CCNC: variants seen among roughly 807,000 people sequenced by gnomAD.
CCNC encodes cyclin C.
Under a neutral mutation model 50.0 loss-of-function variants are expected in CCNC, and 19 were observed. That is an observed-to-expected ratio of 0.38 (90% CI 0.27 to 0.56). The LOEUF (loss-of-function observed/expected upper bound fraction) is 0.56. Among genes scored for constraint, CCNC ranks in the 20% least tolerant of loss-of-function variants. The pLI is 0.72. For synonymous variants in CCNC, 93 were observed against 103.7 expected (o/e 0.90, Z 0.63); for missense variants, 200 against 327.1 (o/e 0.61, Z 3.00).
At position 99,566,981 on chromosome 6, in the gene CCNC, G is replaced by GA. The variant is rs748405711; in HGVS notation, c.32+1514dup. ...CACACTCGTTACCTTTTCCAGATAA[G>GA]AAACTCCATGACTGCTCAAGGGATT... On this transcript the variant is annotated intron_variant, in intron 1 of 11. Transcript: ENST00000520429. 40 of 454,206 alleles carry GA rather than the reference G, an allele frequency of 8.8e-5. 2 individuals are homozygous for GA. Among genetic ancestry groups the GA allele is most frequent in the South Asian group, 6.2e-4 (40 of 64,294 alleles). 28.1% of individuals were successfully genotyped at this position (454,206 alleles called of 1,614,324 possible).
chr6:99,548,644 G>T (rs1349610589), intron 9 of CCNC, among the ~76,000 whole-genome samples: 1 of 151,950 alleles, frequency 6.6e-6, no homozygotes, highest in African/African-American at 2.4e-5. Context: ...GCGAAACCCT[G>T]TCTCTACTAA....
intron 4 of CCNC, among the ~76,000 whole-genome samples, chr6:99,559,707 C>T (rs1208693606): frequency 6.8e-6 from 1 of 148,090 alleles, no homozygotes; most frequent in African/African-American, 2.5e-5. Context: ...CATTCTCTTT[C>T]TCAGGAATAA....
intron 11 of CCNC, chr6:99,543,846 G>A (rs1801966650): frequency 7.4e-7 from 1 of 1,357,084 alleles, no homozygotes; most frequent in Non-Finnish European, 9.5e-7. Flanking sequence ...CTGGAAGTTA[G>A]TGTCCATATA....
rs371337674 is a variant in CCNC at position 99,546,378 on chromosome 6, T to A, written c.678+17A>T. ...TAATTTTTAAACATCCAAGTTTACATACAACTAAGGGAATACCTTTTCCAT... is the reference window on the plus strand; with the variant it reads ...TAATTTTTAAACATCCAAGTTTACAAACAACTAAGGGAATACCTTTTCCAT... On this transcript the variant is annotated intron_variant, in intron 10 of 11. Transcript: ENST00000520429. The A allele has an allele frequency of 1.2e-4, 188 of 1,558,416 alleles. No homozygotes were observed. Among genetic ancestry groups the A allele is most frequent in the Non-Finnish European group, 1.5e-4 (171 of 1,130,574 alleles).
At chr6:99,558,803 A>C (rs1463759549) in intron 4 of CCNC, among the ~76,000 whole-genome samples, 1 of 152,174 alleles carries the variant, frequency 6.6e-6, no homozygotes, top group African/African-American at 2.4e-5. Context: ...CTGAAATGCA[A>C]AATGTTCCAA....
At chr6:99,568,791 C>G (rs76737027), upstream of CCNC, 48 of 1,095,056 alleles carry the variant, frequency 4.4e-5, no homozygotes, top group Non-Finnish European at 5.6e-5. Flanking sequence ...GGTGCTGACC[C>G]TTGGAGGTGC....
At chr6:99,547,004 T>G (rs537846308) in intron 9 of CCNC, among the ~76,000 whole-genome samples, 1 of 152,316 alleles carries the variant, frequency 6.6e-6, no homozygotes, top group Admixed American at 6.5e-5. Flanking sequence ...TTCAGTGTTG[T>G]AATCAAATAA....
intron 5 of CCNC, among the ~76,000 whole-genome samples, chr6:99,553,380 GACACCTAAC>G (rs1802381949): frequency 6.6e-6 from 1 of 152,078 alleles, no homozygotes; most frequent in South Asian, 2.1e-4. Context: ...CCTGGACCTT[GACACCTAAC>G]ACCTCTATTG....
chr6:99,567,240 C>G (rs971803374), intron 1 of CCNC, among the ~76,000 whole-genome samples: 2 of 149,772 alleles, frequency 1.3e-5, no homozygotes, highest in African/African-American at 4.9e-5. Flanking sequence ...TGTCAATTCT[C>G]TCAGCTTCTT....
At chr6:99,554,894 C>T (rs944350298) in intron 5 of CCNC, among the ~76,000 whole-genome samples, 1 of 152,174 alleles carries the variant, frequency 6.6e-6, no homozygotes, top group Non-Finnish European at 1.5e-5. Context: ...CCAAGAAATA[C>T]ACACACTAAC....
At chr6:99,568,147 A>G in intron 1 of CCNC, 1 of 314,316 alleles carries the variant, frequency 3.2e-6, no homozygotes, top group South Asian at 3.9e-5. Context: ...AGGTAGCCTC[A>G]CAGTCTTGAG....
In CCNC at chr6:99,554,991, A is replaced by G. The variant is rs76939699; in HGVS notation, c.347-3096T>C. Among the ~76,000 whole-genome samples, 1,304 of 152,334 alleles carry G rather than the reference A, an allele frequency of 8.6e-3. 22 individuals carry two copies. Among genetic ancestry groups the G allele is most frequent in the African/African-American group, 0.03 (1,261 of 41,580 alleles). On this transcript the variant is annotated intron_variant, in intron 5 of 11. Coordinates refer to ENST00000520429, the MANE Select transcript of CCNC (RefSeq NM_005190.4). ...AGGTACACGAGTTCATGCTGTTTCC[A>G]GCCCTTTGCTTATCTGTAAATTCCC...
chr6:99,546,289 C>G lies in CCNC; in HGVS notation c.678+106G>C, dbSNP rs1473932132. The stretch of plus-strand genomic sequence containing the variant: ...CCCATGTTTCTTAATATTTTGTAAC[C>G]AATAATCTTCTTAGCCTGGTGGACA... On this transcript the variant is annotated intron_variant, in intron 10 of 11. Transcript: ENST00000520429. 3 of 748,166 alleles carry G rather than the reference C, an allele frequency of 4.0e-6. No homozygotes were observed. In the East Asian group the frequency reaches 7.6e-5, roughly 19 times the overall value. The allele number at this position is 748,166 out of a possible 1,614,324, so 46.3% of individuals were successfully genotyped here.
At chr6:99,552,283 T>TA (rs1391362966) in intron 5 of CCNC, among the ~76,000 whole-genome samples, 1 of 152,074 alleles carries the variant, frequency 6.6e-6, no homozygotes, top group Non-Finnish European at 1.5e-5. Context: ...ATACAATTGG[T>TA]AAAAAATATA....
chr6:99,547,463 G>GA (rs1231859916), intron 9 of CCNC, among the ~76,000 whole-genome samples: 1 of 151,692 alleles, frequency 6.6e-6, no homozygotes, highest in Non-Finnish European at 1.5e-5. Context: ...TCACTGAAGA[G>GA]CTGATATCTA....
chr6:99,560,116 CAAGT>C (rs1357839308), intron 4 of CCNC, among the ~76,000 whole-genome samples: 2 of 152,078 alleles, frequency 1.3e-5, no homozygotes, highest in African/African-American at 2.4e-5. Context: ...CAATATTTAA[CAAGT>C]AAGATAGATT....
At chr6:99,548,302 A>T (rs769071413) in intron 9 of CCNC, among the ~76,000 whole-genome samples, 2 of 152,170 alleles carry the variant, frequency 1.3e-5, no homozygotes, top group African/African-American at 2.4e-5. Flanking sequence ...TGCAGATCCC[A>T]GTATTCCTAC....
intron 6 of CCNC, among the ~76,000 whole-genome samples, chr6:99,551,285 T>C (rs1367799485): frequency 6.6e-6 from 1 of 152,146 alleles, no homozygotes; most frequent in Non-Finnish European, 1.5e-5. Context: ...TCATTCTTAT[T>C]ACTCACTTTT....
intron 9 of CCNC, chr6:99,549,229 C>A (rs1802194008): frequency 4.2e-6 from 2 of 472,504 alleles, no homozygotes; most frequent in African/African-American, 2.0e-5. Flanking sequence ...TGAACTTTTC[C>A]CTCTAAACAA....
Sources: allele counts gnomAD v4.1 joint callset (sites outside exome capture counted in the v4.1 genomes callset), GRCh38; gene constraint gnomAD v4.1.1; transcripts MANE v1.5; gene names NCBI Gene and HGNC (gene_info 2026-07-23, HGNC 2026-07-21).